Variants in APOL5 observed in about 807,000 individuals in gnomAD.
The protein encoded by APOL5 is apolipoprotein L5.
A neutral mutation model predicts 35.5 loss-of-function variants in APOL5; 29 were observed. The ratio of observed to expected loss-of-function variants is 0.82; its 90% CI spans 0.61 to 1.11. The LOEUF is 1.11. Among genes scored for constraint, APOL5 ranks in the 50% most tolerant of loss-of-function variants. The pLI is 0.00. For missense variants in APOL5, 514 were observed against 530.4 expected, an observed-to-expected ratio of 0.97 and a Z score of 0.30; for synonymous variants, 188 against 200.2, an observed-to-expected ratio of 0.94 and a Z score of 0.51.
intron 1 of APOL5, among the ~76,000 whole-genome samples, chr22:35,719,827 T>A (rs1926898209): frequency 6.6e-6 from 1 of 152,236 alleles, no homozygotes; most frequent in East Asian, 1.9e-4. Context: ...CTAACCCTAG[T>A]ATGCCAGAAA....
chr22:35,728,927 AGGAG>A (rs745827837), intron 4 of APOL5, 23 bp downstream of exon 4: 5 of 1,558,612 alleles, frequency 3.2e-6, no homozygotes, highest in Non-Finnish European at 3.5e-6. Context: ...CAAGGAAGCC[AGGAG>A]CTGTGGGAAC....
chr22:35,726,411 C>G lies in APOL5; in HGVS notation c.343C>G (p.Gln115Glu). Residue 115 changes from glutamine (Q) to glutamate (E), a missense_variant, in exon 3 of 5, where the codon CAG (glutamine) becomes GAG (glutamate). This residue lies in a region of APOL5 where 254 missense variants were observed against 254.7 expected (regional missense o/e 1.00). Coordinates refer to ENST00000249044, the MANE Select transcript of APOL5 (RefSeq NM_030642.1). Reference protein sequence around the residue: ...YFPLHKFELEQNIKELNTLAD... With the variant: ...YFPLHKFELEENIKELNTLAD... ...TCCTTTGCACAAGTTTGAGCTAGAA[C>G]AGAACATCAAAGAACTTAACACCCT... 1 of 1,614,140 alleles carries G rather than the reference C, an allele frequency of 6.2e-7. No individual in the cohort carries two copies. Among genetic ancestry groups the G allele is most frequent in the Non-Finnish European group, 8.5e-7 (1 of 1,180,044 alleles).
At chr22:35,710,211 A>T in the APOL5 span, among the ~76,000 whole-genome samples, 10 of 140,208 alleles carry the variant, frequency 7.1e-5, no homozygotes, top group African/African-American at 2.7e-4. Context: ...CAGCCTCAAC[A>T]TCCCAGGCTC....
chr22:35,728,199 C>G (rs959611776), intron 3 of APOL5, among the ~76,000 whole-genome samples: 3 of 152,164 alleles, frequency 2.0e-5, no homozygotes, highest in Non-Finnish European at 4.4e-5. Context: ...GGGATATGAC[C>G]TGGATTTTAG....
At chr22:35,718,975 C>T (rs1486165243) in intron 1 of APOL5, among the ~76,000 whole-genome samples, 1 of 152,052 alleles carries the variant, frequency 6.6e-6, no homozygotes, top group African/African-American at 2.4e-5. Context: ...AGGAGAATCA[C>T]TTGAACCCAG....
intron 1 of APOL5, among the ~76,000 whole-genome samples, chr22:35,719,344 G>A (rs1926876275): frequency 2.0e-5 from 3 of 152,194 alleles, no homozygotes; most frequent in African/African-American, 4.8e-5. Context: ...GGACTCTGCT[G>A]TGTTGCCTGC....
chr22:35,724,778 T>C (rs1050762217), intron 2 of APOL5, among the ~76,000 whole-genome samples: 1 of 152,012 alleles, frequency 6.6e-6, no homozygotes, highest in East Asian at 1.9e-4. Context: ...GCCTGGCTAA[T>C]TTTTGTATGT....
upstream of APOL5, among the ~76,000 whole-genome samples, chr22:35,715,246 TC>T (rs1274710649): frequency 6.6e-6 from 1 of 152,176 alleles, no homozygotes; most frequent in Non-Finnish European, 1.5e-5. Context: ...CCCTGCTCAC[TC>T]CCTTCTTGCC....
In APOL5 at chr22:35,726,789, A is replaced by G; in HGVS notation, c.721A>G (p.Lys241Glu). The part of the protein sequence containing the change: ...NKCVKAIQGI[K>E]DLHAYQMAKS... ...GTGTGTAAAAGCTATCCAGGGCATC[A>G]AGGATCTTCATGCCTACCAGATGGC... Residue 241 changes from lysine (K) to glutamate (E), a missense_variant, in exon 3 of 5, where the codon AAG becomes GAG. Lys to Glu is a moderately conservative substitution (Grantham distance 56). Around this residue, in one of 3 missense-constraint regions of APOL5, gnomAD observed 22 missense variants for 46.6 expected, o/e 0.47. Coordinates refer to ENST00000249044, the MANE Select transcript of APOL5 (RefSeq NM_030642.1). The G allele has an allele frequency of 6.2e-7, 1 of 1,614,214 alleles. No individual in the cohort carries two copies. The highest frequency in any genetic ancestry group is 8.5e-7 in the Non-Finnish European group (1 of 1,180,036).
At position 35,726,909 on chromosome 22, in the gene APOL5, G is replaced by C; in HGVS notation, c.841G>C (p.Glu281Gln). The C allele has an allele frequency of 1.9e-6, 3 of 1,614,220 alleles. No homozygotes were observed. The highest frequency in any genetic ancestry group is 2.5e-6 in the Non-Finnish European group (3 of 1,180,036). ...GGCTAGAGGGGTGCAGAGAGCCTTT[G>C]AGGGCACAACTCTGGCCATGACCAA... Reference protein sequence around the residue: ...WTARGVQRAFEGTTLAMTNGA... With the variant: ...WTARGVQRAFQGTTLAMTNGA... The change falls in exon 3 of 5, where the codon GAG becomes CAG. Residue 281 changes from glutamate (E) to glutamine (Q), a missense_variant. By Grantham distance (29) the Glu-to-Gln change is conservative. This residue lies in a region of APOL5 where 238 missense variants were observed against 229.1 expected (regional missense o/e 1.04). Transcript: ENST00000249044.
intron 2 of APOL5, among the ~76,000 whole-genome samples, chr22:35,724,909 C>A (rs775178688): frequency 3.3e-5 from 5 of 152,164 alleles, no homozygotes; most frequent in East Asian, 1.9e-4. Context: ...CCGTGCCCGG[C>A]CTTGTATCCA....
chr22:35,724,778 T>G (rs1050762217), intron 2 of APOL5, among the ~76,000 whole-genome samples: 2 of 152,012 alleles, frequency 1.3e-5, no homozygotes, highest in Non-Finnish European at 1.5e-5. Flanking sequence ...GCCTGGCTAA[T>G]TTTTGTATGT....
chr22:35,715,481 A>T (rs532333346), upstream of APOL5, among the ~76,000 whole-genome samples: 1 of 152,232 alleles, frequency 6.6e-6, no homozygotes, highest in African/African-American at 2.4e-5. Context: ...CCCCGTCTCT[A>T]CTAAGAATGC....
Position 35,727,093 on chromosome 22 carries a change from G to C in APOL5, c.1025G>C (p.Arg342Pro). The change falls in exon 3 of 5, where the codon CGG becomes CCG. Residue 342 changes from arginine to proline, a missense_variant. Around this residue, in one of 3 missense-constraint regions of APOL5, gnomAD observed 238 missense variants for 229.1 expected, o/e 1.04. Transcript: ENST00000249044. ...AAGAAGCTGGAGCAGGAGCTGGACCGGCTCACCCAGCACCACCGGCACCTG... is the reference window on the plus strand; with the variant it reads ...AAGAAGCTGGAGCAGGAGCTGGACCCGCTCACCCAGCACCACCGGCACCTG... ...LAKKLEQELDRLTQHHRHLPQ... is the reference protein window; with the variant it reads ...LAKKLEQELDPLTQHHRHLPQ... The C allele has an allele frequency of 6.2e-7, 1 of 1,611,740 alleles. No homozygotes were observed. Among genetic ancestry groups the C allele is most frequent in the Non-Finnish European group, 8.5e-7 (1 of 1,180,004 alleles).
chr22:35,712,749 T>A, the APOL5 span, among the ~76,000 whole-genome samples: 1 of 152,204 alleles, frequency 6.6e-6, no homozygotes, highest in South Asian at 2.1e-4. Flanking sequence ...AGGGCTGTGT[T>A]CTAGGCTAGC....
chr22:35,711,611 C>CTTCCTTCCTTCT, the APOL5 span, among the ~76,000 whole-genome samples: 4 of 139,820 alleles, frequency 2.9e-5, no homozygotes, highest in African/African-American at 1.1e-4. Flanking sequence ...TCCTTCCTTC[C>CTTCCTTCCTTCT]TTCCTTCCTT....
chr22:35,729,015 AG>A, intron 4 of APOL5, 111 bp downstream of exon 4: 2 of 1,240,328 alleles, frequency 1.6e-6, no homozygotes, highest in East Asian at 5.9e-5. Context: ...ACGGGGACAG[AG>A]GTTGTTGCTA....
At chr22:35,722,067 C>A (rs1285785138) in intron 2 of APOL5, among the ~76,000 whole-genome samples, 2 of 152,206 alleles carry the variant, frequency 1.3e-5, no homozygotes, top group Non-Finnish European at 2.9e-5. Flanking sequence ...GATTTCCCCC[C>A]AGTGCTCCCG....
chr22:35,721,524 C>T (rs537336169), intron 2 of APOL5, among the ~76,000 whole-genome samples: 4 of 147,108 alleles, frequency 2.7e-5, no homozygotes, highest in Non-Finnish European at 5.9e-5. Context: ...CTAGCCTGGG[C>T]GACAGAGCAG....
Sources: allele counts gnomAD v4.1 joint callset (sites outside exome capture counted in the v4.1 genomes callset), GRCh38; gene constraint gnomAD v4.1.1; regional missense constraint gnomAD v4.1.1; transcripts MANE v1.5; gene names NCBI Gene and HGNC (gene_info 2026-07-23, HGNC 2026-07-21).